The following MALT1 variants were observed in gnomAD, a reference collection of about 807,000 sequenced individuals.
MALT1 encodes mucosa-associated lymphoid tissue lymphoma translocation protein 1.
A neutral mutation model predicts 85.5 loss-of-function variants in MALT1; 36 were observed. That is an observed-to-expected ratio of 0.42 (90% CI 0.32 to 0.56). The LOEUF is 0.56. MALT1 is among the 20% of genes least tolerant of loss of function. MALT1 has a pLI of 0.10. For synonymous variants in MALT1, 359 were observed against 361.3 expected (o/e 0.99, Z 0.07); for missense variants, 716 against 981.6 (o/e 0.73, Z 3.62).
At chr18:58,693,232 GCA>G (rs1490714641) in intron 2 of MALT1, among the ~76,000 whole-genome samples, 1 of 152,076 alleles carries the variant, frequency 6.6e-6, no homozygotes, top group East Asian at 1.9e-4. Flanking sequence ...ACCAGCCTGG[GCA>G]ACATGGTGAA....
chr18:58,735,142 G>A (rs1440987942), intron 12 of MALT1, 60 bp from the exon 13 acceptor site: 6 of 1,426,334 alleles, frequency 4.2e-6, no homozygotes, highest in Admixed American at 2.2e-5. Flanking sequence ...CCACATATAA[G>A]TGAGAACATA....
At chr18:58,738,941 C>T (rs1008958889) in intron 13 of MALT1, among the ~76,000 whole-genome samples, 1 of 152,132 alleles carries the variant, frequency 6.6e-6, no homozygotes, top group African/African-American at 2.4e-5. Context: ...GGAAATACTG[C>T]TAATGTCTTC....
At chr18:58,718,287 A>C (rs1023368651) in intron 9 of MALT1, among the ~76,000 whole-genome samples, 2 of 152,214 alleles carry the variant, frequency 1.3e-5, no homozygotes, top group Non-Finnish European at 2.9e-5. Context: ...TATCAGGTCA[A>C]CTTCTATCAT....
chr18:58,696,502 A>G lies in MALT1; in HGVS notation c.498+15A>G. On this transcript the variant is annotated intron_variant, in intron 3 of 16. Transcript: ENST00000649217. ...TGAATAAAGAGGTAATTTTTTAAAT[A>G]TATCTTTTAATTCTTCCAAGGAGAG... 4 of 1,528,082 alleles carry G rather than the reference A, an allele frequency of 2.6e-6. No individual in the cohort carries two copies. The highest frequency in any genetic ancestry group is 3.6e-6 in the Non-Finnish European group (4 of 1,125,482). The allele number at this position is 1,528,082 out of a possible 1,614,324, so 94.7% of individuals were successfully genotyped here. A position where few individuals can be genotyped will look rare whatever the true frequency, so the allele number is the denominator to read the frequency against.
chr18:58,672,615 C>T (rs1437619769), intron 1 of MALT1: 1 of 151,978 alleles, frequency 6.6e-6, no homozygotes, highest in African/African-American at 2.4e-5. Flanking sequence ...AAAGCTAAGA[C>T]ATTTAAAAAA....
chr18:58,707,218 C>T lies in MALT1; in HGVS notation c.650-2160C>T, dbSNP rs539968026. On this transcript the variant is annotated intron_variant, in intron 4 of 16. Coordinates refer to ENST00000649217, the MANE Select transcript of MALT1 (RefSeq NM_006785.4). The stretch of plus-strand genomic sequence containing the variant: ...TTTTTTTTTCTTCAATTTCTCACTG[C>T]TGAAATTGTAAGTTGGCCACCATCT... Among the ~76,000 whole-genome samples, 9 of 151,730 alleles carry T rather than the reference C, an allele frequency of 5.9e-5. No individual in the cohort carries two copies. In the South Asian group the frequency reaches 1.7e-3, roughly 28 times the overall value.
intron 1 of MALT1, among the ~76,000 whole-genome samples, 193 bp downstream of exon 1, chr18:58,672,045 G>A (rs2054170450): frequency 6.6e-6 from 1 of 152,196 alleles, no homozygotes; most frequent in Non-Finnish European, 1.5e-5. Context: ...GTTTGAGAGC[G>A]GGGCCCAGGG....
intron 9 of MALT1, among the ~76,000 whole-genome samples, chr18:58,720,431 T>C (rs1204356480): frequency 6.6e-6 from 1 of 152,214 alleles, no homozygotes; most frequent in Non-Finnish European, 1.5e-5. Context: ...AGGTAAGATT[T>C]ACTTACCCAC....
intron 14 of MALT1, 76 bp from the exon 15 acceptor site, chr18:58,744,262 C>T: frequency 2.2e-6 from 2 of 928,696 alleles, no homozygotes; most frequent in Non-Finnish European, 3.2e-6. Flanking sequence ...GAAATGCTAA[C>T]TATATTCTCC....
At position 58,734,477 on chromosome 18, in the gene MALT1, A is replaced by T. The variant is rs1019764268; in HGVS notation, c.1475+96A>T. Reference sequence around the variant, plus strand: ...AGCAGGGGTCTTAACTCTGTCACCCAGGCTGGAGTGCAGAGGCGCCATCAT... The same window carrying T: ...AGCAGGGGTCTTAACTCTGTCACCCTGGCTGGAGTGCAGAGGCGCCATCAT... On this transcript the variant is annotated intron_variant, in intron 12 of 16. Coordinates refer to ENST00000649217, the MANE Select transcript of MALT1 (RefSeq NM_006785.4). The T allele has an allele frequency of 1.5e-5, 14 of 928,312 alleles. No individual in the cohort carries two copies. The Admixed American group carries it at 2.5e-4, about 17-fold the overall frequency. The allele number at this position is 928,312 out of a possible 1,614,324, so 57.5% of individuals were successfully genotyped here.
At chr18:58,721,470 TAATG>T (rs2054982110) in intron 9 of MALT1, among the ~76,000 whole-genome samples, 1 of 152,222 alleles carries the variant, frequency 6.6e-6, no homozygotes, top group Non-Finnish European at 1.5e-5. Context: ...ATTGAATTAA[TAATG>T]CGGCTTAAGT....
intron 1 of MALT1, 23 bp downstream of exon 1, chr18:58,671,875 C>A (rs2054166880): frequency 1.6e-6 from 2 of 1,213,588 alleles, no homozygotes; most frequent in South Asian, 8.2e-5. Context: ...CCGCGGCAGG[C>A]CGGGCGCGCG....
chr18:58,688,634 T>C (rs1367743536), intron 2 of MALT1, among the ~76,000 whole-genome samples: 1 of 151,906 alleles, frequency 6.6e-6, no homozygotes, highest in Non-Finnish European at 1.5e-5. Context: ...CCTGGCCATA[T>C]GATCCCTTTC....
intron 9 of MALT1, among the ~76,000 whole-genome samples, chr18:58,718,229 T>G (rs569476051): frequency 1.3e-5 from 2 of 152,342 alleles, no homozygotes; most frequent in South Asian, 4.1e-4. Context: ...ATGCCAGGTA[T>G]TCTTTCTCAA....
chr18:58,743,869 G>A (rs113878360), intron 14 of MALT1, among the ~76,000 whole-genome samples: 8 of 152,182 alleles, frequency 5.3e-5, no homozygotes, highest in African/African-American at 1.9e-4. Context: ...TGTCCCATAT[G>A]TAAAGGAACA....
chr18:58,736,756 G>T (rs553947213), intron 13 of MALT1, among the ~76,000 whole-genome samples: 2 of 152,320 alleles, frequency 1.3e-5, no homozygotes, highest in South Asian at 2.1e-4. Context: ...AATTGCCCAG[G>T]CAGGAAGACC....
chr18:58,722,838 A>G (rs2055002613), intron 9 of MALT1, among the ~76,000 whole-genome samples: 1 of 152,320 alleles, frequency 6.6e-6, no homozygotes, highest in East Asian at 1.9e-4. Context: ...AATATGCTTA[A>G]TTTCAGTTTG....
chr18:58,751,817 A>C lies in MALT1; in HGVS notation c.*3975A>C, dbSNP rs1047166286. 1.3e-5 allele frequency: 2 copies of C among 152,268 alleles called. No individual in the cohort carries two copies. The highest frequency in any genetic ancestry group is 2.9e-5 in the Non-Finnish European group (2 of 68,052). 9.4% of individuals were successfully genotyped at this position (152,268 alleles called of 1,614,324 possible). ...ATTTTCTGGAAGGTAATTTTTAAAA[A>C]TTAAAGTCACAATTATAAATTGTAT... is the stretch of plus-strand genomic sequence containing the variant. On this transcript the variant is annotated 3_prime_UTR_variant, in exon 17 of 17. Coordinates refer to ENST00000649217, the MANE Select transcript of MALT1 (RefSeq NM_006785.4).
chr18:58,678,352 T>C lies in MALT1; in HGVS notation c.210-2818T>C, dbSNP rs898096273. 2.0e-5 allele frequency among the ~76,000 whole-genome samples: 3 copies of C among 152,236 alleles called. No homozygotes were observed. The South Asian group carries it at 6.2e-4, about 31-fold the overall frequency. On this transcript the variant is annotated intron_variant, in intron 1 of 16. Transcript: ENST00000649217. ...TTCACCTCTTGCATCTGTTCAGGCT[T>C]TCAGCCTTGACAATTATGATTGAAA...
Sources: allele counts gnomAD v4.1 joint callset (sites outside exome capture counted in the v4.1 genomes callset), GRCh38; gene constraint gnomAD v4.1.1; transcripts MANE v1.5; gene names NCBI Gene and HGNC (gene_info 2026-07-23, HGNC 2026-07-21).